CA10: variants seen among roughly 807,000 people sequenced by gnomAD.
CA10 encodes carbonic anhydrase 10 (inactive).
A neutral mutation model predicts 44.2 loss-of-function variants in CA10; 14 were observed. The ratio of observed to expected loss-of-function variants is 0.32; its 90% CI spans 0.21 to 0.50. The LOEUF (loss-of-function observed/expected upper bound fraction) is 0.50. CA10 is among the 20% of genes least tolerant of loss of function. CA10 has a pLI of 0.99. For synonymous variants in CA10, 159 were observed against 141.6 expected, an observed-to-expected ratio of 1.12 and a Z score of -0.87; for missense variants, 350 against 409.7, an observed-to-expected ratio of 0.85 and a Z score of 1.26.
chr17:51,953,487 G>C (rs1414064259), intron 2 of CA10, among the ~76,000 whole-genome samples: 2 of 151,086 alleles, frequency 1.3e-5, no homozygotes, highest in East Asian at 2.0e-4. Flanking sequence ...TTTGTTATCA[G>C]AATGTCTAGA....
At chr17:51,791,991 C>A (rs1294319431) in intron 3 of CA10, among the ~76,000 whole-genome samples, 1 of 152,088 alleles carries the variant, frequency 6.6e-6, no homozygotes, top group African/African-American at 2.4e-5. Flanking sequence ...CTTATATAAT[C>A]TTTGCACAGA....
At chr17:51,848,003 A>G (rs1193812910) in intron 3 of CA10, among the ~76,000 whole-genome samples, 1 of 152,178 alleles carries the variant, frequency 6.6e-6, no homozygotes, top group Non-Finnish European at 1.5e-5. Context: ...AGTTACTGCT[A>G]TTGGCTTTAC....
At chr17:52,081,176 G>A (rs1205642495) in intron 1 of CA10, among the ~76,000 whole-genome samples, 1 of 152,192 alleles carries the variant, frequency 6.6e-6, no homozygotes, top group Non-Finnish European at 1.5e-5. Flanking sequence ...GATATAGAGG[G>A]TGAGGTAGTA....
At chr17:51,724,049 G>A (rs1916438949) in intron 4 of CA10, among the ~76,000 whole-genome samples, 1 of 152,162 alleles carries the variant, frequency 6.6e-6, no homozygotes, top group Admixed American at 6.6e-5. Context: ...GAGGATGAGG[G>A]GGGACTGGAA....
At chr17:51,891,860 G>A (rs549167406) in intron 3 of CA10, among the ~76,000 whole-genome samples, 1 of 152,328 alleles carries the variant, frequency 6.6e-6, no homozygotes, top group Non-Finnish European at 1.5e-5. Context: ...TAAGGGTAAA[G>A]GGAGGGCCAA....
chr17:52,022,482 C>G (rs1001704675), intron 2 of CA10, among the ~76,000 whole-genome samples: 5 of 152,022 alleles, frequency 3.3e-5, no homozygotes, highest in African/African-American at 1.2e-4. Context: ...CTGTGACAAA[C>G]CCACAGCCAA....
intron 6 of CA10, among the ~76,000 whole-genome samples, chr17:51,647,396 C>T (rs1319153747): frequency 6.6e-6 from 1 of 152,178 alleles, no homozygotes; most frequent in Middle Eastern, 3.2e-3. Flanking sequence ...GCTCCCCACA[C>T]TTGGAATGCT....
intron 4 of CA10, among the ~76,000 whole-genome samples, chr17:51,716,170 C>A (rs1425663569): frequency 6.6e-6 from 1 of 152,068 alleles, no homozygotes; most frequent in African/African-American, 2.4e-5. Flanking sequence ...CTACTATTTT[C>A]TTTCTTTTGC....
chr17:52,047,667 A>AT (rs1351586786), intron 2 of CA10, among the ~76,000 whole-genome samples: 2 of 151,906 alleles, frequency 1.3e-5, no homozygotes, highest in African/African-American at 2.4e-5. Context: ...ATAAATACTT[A>AT]TTTTTTGCAG....
chr17:52,109,466 G>A (rs1988743807), intron 1 of CA10, among the ~76,000 whole-genome samples: 1 of 152,218 alleles, frequency 6.6e-6, no homozygotes, highest in African/African-American at 2.4e-5. Context: ...TTCAGTGTGA[G>A]TACCTTCCAG....
intron 4 of CA10, among the ~76,000 whole-genome samples, chr17:51,710,297 C>T (rs1915893077): frequency 6.6e-6 from 1 of 152,144 alleles, no homozygotes; most frequent in African/African-American, 2.4e-5. Context: ...TTGAAGGCAG[C>T]AGAAAACCTG....
At chr17:51,822,033 C>T (rs1239661497) in intron 3 of CA10, among the ~76,000 whole-genome samples, 1 of 152,142 alleles carries the variant, frequency 6.6e-6, no homozygotes, top group Non-Finnish European at 1.5e-5. Flanking sequence ...TTTACAGAGA[C>T]TTTGACACCA....
chr17:51,775,967 T>C (rs1463633661), intron 3 of CA10, among the ~76,000 whole-genome samples: 2 of 152,136 alleles, frequency 1.3e-5, no homozygotes, highest in Admixed American at 6.5e-5. Flanking sequence ...GTGCAGGATC[T>C]TGTGGGTCAG....
intron 1 of CA10, among the ~76,000 whole-genome samples, chr17:52,123,384 G>GTC (rs1555568618): frequency 6.7e-6 from 1 of 150,022 alleles, no homozygotes; most frequent in African/African-American, 2.5e-5. Flanking sequence ...GTGTGTGTGT[G>GTC]TGTGTGTGTG....
chr17:52,132,467 C>A (rs1224395528), intron 1 of CA10, among the ~76,000 whole-genome samples: 1 of 152,196 alleles, frequency 6.6e-6, no homozygotes, highest in Non-Finnish European at 1.5e-5. Context: ...TGAGTCAATT[C>A]TTCTAAAGTA....
intron 1 of CA10, among the ~76,000 whole-genome samples, chr17:52,109,642 G>A (rs889691401): frequency 6.6e-6 from 1 of 152,230 alleles, no homozygotes; most frequent in Non-Finnish European, 1.5e-5. Context: ...GAAATTAATA[G>A]AGAGGGAGTT....
chr17:51,974,784 TAAG>T (rs1052939153), intron 2 of CA10, among the ~76,000 whole-genome samples: 23 of 152,132 alleles, frequency 1.5e-4, no homozygotes, highest in African/African-American at 5.1e-4. Flanking sequence ...ACAAGGCAAG[TAAG>T]AAGAAAAGGG....
At chr17:52,096,112 A>T (rs1033365104) in intron 1 of CA10, among the ~76,000 whole-genome samples, 5 of 152,166 alleles carry the variant, frequency 3.3e-5, no homozygotes, top group African/African-American at 1.2e-4. Context: ...GGAAAGCACC[A>T]TGAGCTAGAA....
At chr17:51,810,815 C>A (rs772841340) in intron 3 of CA10, among the ~76,000 whole-genome samples, 15 of 152,236 alleles carry the variant, frequency 9.9e-5, no homozygotes, top group Non-Finnish European at 1.8e-4. Context: ...TCAGCCAGGA[C>A]TTGATGCTTG....
Sources: allele counts gnomAD v4.1 joint callset (sites outside exome capture counted in the v4.1 genomes callset), GRCh38; gene constraint gnomAD v4.1.1; transcripts MANE v1.5; gene names NCBI Gene and HGNC (gene_info 2026-07-23, HGNC 2026-07-21).